DHRS7B: variants seen among roughly 807,000 people sequenced by gnomAD.
The protein encoded by DHRS7B is dehydrogenase/reductase 7B, also known as peroxisomal reductase activating PPAR-gamma.
A neutral mutation model predicts 26.4 loss-of-function variants in DHRS7B; 24 were observed. The ratio of observed to expected loss-of-function variants is 0.91; its 90% CI spans 0.66 to 1.28. The LOEUF is 1.28. Ranked by LOEUF, DHRS7B falls within the 50% of genes most tolerant of loss-of-function variation. DHRS7B has a pLI of 0.00. For missense variants in DHRS7B, 368 were observed against 419.4 expected, an observed-to-expected ratio of 0.88 and a Z score of 1.07; for synonymous variants, 142 against 166.4, an observed-to-expected ratio of 0.85 and a Z score of 1.13.
At chr17:21,186,140 C>T (rs1199425156) in intron 5 of DHRS7B, among the ~76,000 whole-genome samples, 2 of 152,228 alleles carry the variant, frequency 1.3e-5, no homozygotes, top group East Asian at 3.8e-4. Context: ...TGGAGTGCCT[C>T]TTGGGCAAGT....
intron 1 of DHRS7B, among the ~76,000 whole-genome samples, chr17:21,129,980 CT>C (rs1185108349): frequency 1.3e-5 from 2 of 152,164 alleles, no homozygotes; most frequent in Non-Finnish European, 2.9e-5. Context: ...TACCTAGTTA[CT>C]TTTTTCCAAA....
intron 1 of DHRS7B, among the ~76,000 whole-genome samples, chr17:21,156,596 C>A (rs2144031663): frequency 6.8e-6 from 1 of 146,798 alleles, no homozygotes; most frequent in South Asian, 2.2e-4. Context: ...CAGAGTGAGA[C>A]TCCATCTCAA....
rs890130189 is a variant in DHRS7B, at chr17:21,183,498, T to C, written c.310-96T>C. 12 of 1,146,558 alleles carry C rather than the reference T, an allele frequency of 1.0e-5. No individual in the cohort carries two copies. The African/African-American group carries it at 1.1e-4, about 10-fold the overall frequency. 71.0% of individuals were successfully genotyped at this position (1,146,558 alleles called of 1,614,324 possible). A position where few individuals can be genotyped will look rare whatever the true frequency, so the allele number is the denominator to read the frequency against. On this transcript the variant is annotated intron_variant, in intron 3 of 6. Coordinates refer to ENST00000395511, the MANE Select transcript of DHRS7B (RefSeq NM_015510.5). ...TTTTCTAGTTCCTTAAAATATAAAG[T>C]TACATTATTGTTTTGAGGCTAAGTG...
chr17:21,159,698 C>T (rs1399185603), intron 1 of DHRS7B, among the ~76,000 whole-genome samples: 1 of 151,250 alleles, frequency 6.6e-6, no homozygotes, highest in East Asian at 2.0e-4. Flanking sequence ...ATGGCAAGAC[C>T]CTGTCTCTGC....
At chr17:21,179,825 G>A (rs1361415103) in intron 3 of DHRS7B, among the ~76,000 whole-genome samples, 1 of 149,882 alleles carries the variant, frequency 6.7e-6, no homozygotes, top group African/African-American at 2.5e-5. Flanking sequence ...GGAGTGCAAC[G>A]GTGCGATCTC....
intron 1 of DHRS7B, among the ~76,000 whole-genome samples, chr17:21,156,510 C>T (rs7220185): frequency 0.031 from 4,753 of 152,026 alleles, 237 homozygotes; most frequent in African/African-American, 0.11. Flanking sequence ...GAGGCTGAGG[C>T]AGGAGAATCG....
intron 1 of DHRS7B, among the ~76,000 whole-genome samples, chr17:21,145,382 T>G (rs1053703628): frequency 6.6e-6 from 1 of 152,148 alleles, no homozygotes; most frequent in Non-Finnish European, 1.5e-5. Context: ...ATGGAGTGCT[T>G]CTCAGTAACT....
intron 1 of DHRS7B, among the ~76,000 whole-genome samples, chr17:21,157,950 A>C (rs1012121523): frequency 3.0e-4 from 45 of 152,150 alleles, no homozygotes; most frequent in African/African-American, 1.0e-3. Flanking sequence ...GTCTGAAAAA[A>C]AAAAATAATA....
intron 2 of DHRS7B, among the ~76,000 whole-genome samples, chr17:21,172,921 G>T (rs191940929): frequency 6.6e-6 from 1 of 152,332 alleles, no homozygotes; most frequent in East Asian, 1.9e-4. Context: ...TGCCACACAC[G>T]TATATTGACT....
chr17:21,132,343 A>AT (rs1185771761), intron 1 of DHRS7B, among the ~76,000 whole-genome samples: 9 of 134,270 alleles, frequency 6.7e-5, no homozygotes, highest in African/African-American at 1.8e-4. Context: ...TCTTAAAAAA[A>AT]AAAAAATATA....
chr17:21,173,217 A>G (rs1047453337), intron 2 of DHRS7B, among the ~76,000 whole-genome samples: 1 of 152,280 alleles, frequency 6.6e-6, no homozygotes, highest in African/African-American at 2.4e-5. Context: ...TTGCCATTGC[A>G]GTAACATATG....
intron 5 of DHRS7B, among the ~76,000 whole-genome samples, chr17:21,187,518 C>G (rs369880282): frequency 2.6e-4 from 39 of 150,716 alleles, no homozygotes; most frequent in African/African-American, 9.0e-4. Flanking sequence ...CCCAGCTACT[C>G]GGGAGGCTGA....
intron 1 of DHRS7B, among the ~76,000 whole-genome samples, chr17:21,138,938 C>T (rs1041597573): frequency 7.2e-5 from 11 of 152,042 alleles, no homozygotes; most frequent in East Asian, 3.8e-4. Context: ...TATTTGTTTA[C>T]GTACATTATT....
At position 21,172,095 on chromosome 17, in the gene DHRS7B, G is replaced by C. The variant is rs1974263362; in HGVS notation, c.98G>C (p.Gly33Ala). Residue 33 changes from glycine to alanine, a missense_variant, in exon 2 of 7, where the codon GGC (glycine) becomes GCC (alanine). By Grantham distance (60) the Gly-to-Ala change is moderately conservative. Transcript: ENST00000395511. ...AILPLLFGCL[G>A]VFGLFRLLQW... Reference sequence around the variant, plus strand: ...CTGCCCCTGCTGTTCGGCTGCCTGGGCGTCTTCGGCCTCTTCCGGCTGCTG... The same window carrying C: ...CTGCCCCTGCTGTTCGGCTGCCTGGCCGTCTTCGGCCTCTTCCGGCTGCTG... 2 of 1,614,070 alleles carry C rather than the reference G, an allele frequency of 1.2e-6. No individual in the cohort carries two copies. The highest frequency in any genetic ancestry group is 1.7e-6 in the Non-Finnish European group (2 of 1,180,032).
At chr17:21,147,878 G>A (rs1973675552) in intron 1 of DHRS7B, among the ~76,000 whole-genome samples, 1 of 152,032 alleles carries the variant, frequency 6.6e-6, no homozygotes, top group Non-Finnish European at 1.5e-5. Context: ...AACACTGTAG[G>A]AGGTTTCACC....
At chr17:21,177,612 A>T (rs1351163583) in intron 2 of DHRS7B, among the ~76,000 whole-genome samples, 2 of 152,084 alleles carry the variant, frequency 1.3e-5, no homozygotes, top group Non-Finnish European at 2.9e-5. Context: ...GCTTGCGTGC[A>T]CTGACTTGAC....
chr17:21,131,871 C>G (rs535491404), intron 1 of DHRS7B, among the ~76,000 whole-genome samples: 1 of 152,212 alleles, frequency 6.6e-6, no homozygotes, highest in African/African-American at 2.4e-5. Context: ...TTGGATACTA[C>G]TACATTAAGA....
chr17:21,128,044 A>C (rs1220962858), intron 1 of DHRS7B: 1 of 152,228 alleles, frequency 6.6e-6, no homozygotes, highest in African/African-American at 2.4e-5. Flanking sequence ...TCCTGTAATA[A>C]CCCTAATCAT....
At chr17:21,178,397 C>A in intron 3 of DHRS7B, 55 bp downstream of exon 3, 1 of 1,442,302 alleles carries the variant, frequency 6.9e-7, no homozygotes, top group Non-Finnish European at 9.7e-7. Context: ...CTTCTGTAGG[C>A]ACTGAGGAGA....
Sources: allele counts gnomAD v4.1 joint callset (sites outside exome capture counted in the v4.1 genomes callset), GRCh38; gene constraint gnomAD v4.1.1; transcripts MANE v1.5; gene names NCBI Gene and HGNC (gene_info 2026-07-23, HGNC 2026-07-21).